PGCKA1: variants seen among roughly 807,000 people sequenced by gnomAD.
PGCKA1 encodes PDCD10 and GCKIII kinases associated 1.
chr4:37,587,432 G>A, the PGCKA1 span, among the ~76,000 whole-genome samples: 1 of 152,114 alleles, frequency 6.6e-6, no homozygotes, highest in Non-Finnish European at 1.5e-5. Flanking sequence ...TTTTTTTAAT[G>A]TAAATCTAGT....
the PGCKA1 span, chr4:37,590,985 G>T: frequency 1.2e-6 from 2 of 1,610,750 alleles, no homozygotes; most frequent in South Asian, 1.1e-5. Flanking sequence ...GAGAAGATTT[G>T]GATGAGACTG....
chr4:37,549,177 A>C, the PGCKA1 span, among the ~76,000 whole-genome samples: 4 of 152,252 alleles, frequency 2.6e-5, no homozygotes, highest in Admixed American at 2.6e-4. Flanking sequence ...GATGAGCTTA[A>C]GAATTTTCAA....
At chr4:37,509,950 G>A in the PGCKA1 span, among the ~76,000 whole-genome samples, 30 of 148,728 alleles carry the variant, frequency 2.0e-4, no homozygotes, top group African/African-American at 5.9e-4. Context: ...GAGGGAGACC[G>A]TGGAGAGAGA....
chr4:37,564,293 AAG>A, the PGCKA1 span, among the ~76,000 whole-genome samples: 1 of 148,738 alleles, frequency 6.7e-6, no homozygotes, highest in Non-Finnish European at 1.5e-5. Context: ...AAAAAAAAGA[AAG>A]AAAAAAAACC....
chr4:37,588,744 C>T, the PGCKA1 span: 1 of 824,804 alleles, frequency 1.2e-6, no homozygotes, highest in Non-Finnish European at 2.0e-6. Flanking sequence ...ATGTGTGACT[C>T]TCTTAATACA....
At chr4:37,586,771 G>A in the PGCKA1 span, among the ~76,000 whole-genome samples, 8 of 152,278 alleles carry the variant, frequency 5.3e-5, no homozygotes, top group South Asian at 1.2e-3. Context: ...TTAGCTGGGC[G>A]TGTTGGCAGG....
the PGCKA1 span, among the ~76,000 whole-genome samples, chr4:37,512,220 G>C: frequency 6.6e-6 from 1 of 152,114 alleles, no homozygotes; most frequent in African/African-American, 2.4e-5. Context: ...TGGTTCCTAT[G>C]ATGGTGTTCC....
the PGCKA1 span, among the ~76,000 whole-genome samples, chr4:37,552,035 A>G: frequency 6.6e-6 from 1 of 152,262 alleles, no homozygotes. Context: ...TTTTATACTC[A>G]GTACCTGTCT....
chr4:37,567,183 A>G, the PGCKA1 span, among the ~76,000 whole-genome samples: 143 of 152,374 alleles, frequency 9.4e-4, no homozygotes, highest in African/African-American at 3.3e-3. Context: ...CAACTTTTAC[A>G]ACCTTGGGCA....
the PGCKA1 span, among the ~76,000 whole-genome samples, chr4:37,542,298 C>T: frequency 8.2e-3 from 1,253 of 152,306 alleles, 19 homozygotes; most frequent in African/African-American, 0.029. Flanking sequence ...GCATTTGTCC[C>T]CAACACCTGT....
chr4:37,460,607 TG>T, the PGCKA1 span: 1 of 452,104 alleles, frequency 2.2e-6, no homozygotes, highest in Non-Finnish European at 4.4e-6. Flanking sequence ...TTTTTTTATA[TG>T]TTTGTTGGTC....
At chr4:37,555,043 T>C in the PGCKA1 span, among the ~76,000 whole-genome samples, 2 of 152,296 alleles carry the variant, frequency 1.3e-5, no homozygotes, top group African/African-American at 4.8e-5. Flanking sequence ...CTCCATCTCA[T>C]CTTTTAGATC....
chr4:37,510,975 A>G, the PGCKA1 span, among the ~76,000 whole-genome samples: 1 of 151,308 alleles, frequency 6.6e-6, no homozygotes, highest in Non-Finnish European at 1.5e-5. Flanking sequence ...GCCTCACCCC[A>G]TTGCCACCAC....
At chr4:37,592,104 A>G in the PGCKA1 span, among the ~76,000 whole-genome samples, 1 of 150,110 alleles carries the variant, frequency 6.7e-6, no homozygotes, top group Admixed American at 6.7e-5. Context: ...GCTACTTGGG[A>G]GGCTGAGGCA....
At chr4:37,566,744 C>T in the PGCKA1 span, among the ~76,000 whole-genome samples, 2 of 152,084 alleles carry the variant, frequency 1.3e-5, no homozygotes, top group Admixed American at 6.5e-5. Context: ...CCACACCCAG[C>T]TAATATTTGT....
At chr4:37,460,892 C>A in the PGCKA1 span, 2 of 399,698 alleles carry the variant, frequency 5.0e-6, no homozygotes, top group Admixed American at 3.4e-5. Flanking sequence ...TTGACGATTT[C>A]ATCATAAAAT....
At chr4:37,555,918 C>T in the PGCKA1 span, among the ~76,000 whole-genome samples, 1 of 152,060 alleles carries the variant, frequency 6.6e-6, no homozygotes, top group African/African-American at 2.4e-5. Flanking sequence ...ATCCTTGTTC[C>T]CCCTGAGTCT....
chr4:37,479,507 A>G, the PGCKA1 span, among the ~76,000 whole-genome samples: 1 of 152,208 alleles, frequency 6.6e-6, no homozygotes, highest in Non-Finnish European at 1.5e-5. Context: ...TAATCACACA[A>G]ACGCAAATTT....
At chr4:37,556,263 T>A in the PGCKA1 span, among the ~76,000 whole-genome samples, 1 of 110,652 alleles carries the variant, frequency 9.0e-6, no homozygotes, top group Non-Finnish European at 2.0e-5. Flanking sequence ...TTTTTTGTTT[T>A]GTTTTGTTTT....
Sources: allele counts gnomAD v4.1 joint callset (sites outside exome capture counted in the v4.1 genomes callset), GRCh38; gene constraint gnomAD v4.1.1; transcripts MANE v1.5; gene names NCBI Gene and HGNC (gene_info 2026-07-23, HGNC 2026-07-21).